Variants in CREB5 observed in about 807,000 individuals in gnomAD.
The protein encoded by CREB5 is cAMP responsive element binding protein 5, also known as cyclic AMP-responsive element-binding protein 5.
Under a neutral mutation model 57.1 loss-of-function variants are expected in CREB5, and 19 were observed. The ratio of observed to expected loss-of-function variants is 0.33; its 90% CI spans 0.23 to 0.49. CREB5 has a LOEUF of 0.49. Among genes scored for constraint, CREB5 ranks in the 20% least tolerant of loss-of-function variants. The probability of loss-of-function intolerance (pLI) is 0.99; values close to 1 mark genes in which losing one functional copy is unlikely to be tolerated. For missense variants in CREB5, 579 were observed against 671.6 expected, an observed-to-expected ratio of 0.86 and a Z score of 1.52; for synonymous variants, 238 against 238.3, an observed-to-expected ratio of 1.00 and a Z score of 0.01.
intron 5 of CREB5, among the ~76,000 whole-genome samples, chr7:28,709,426 T>C (rs1474616370): frequency 2.6e-5 from 4 of 152,196 alleles, no homozygotes; most frequent in Non-Finnish European, 5.9e-5. Flanking sequence ...TTCAGATTAA[T>C]GGTGCAGAAA....
Position 28,809,398 on chromosome 7 carries a change from C to T in CREB5, c.1238C>T (p.Thr413Ile). ...AAGAAAGCAGAAGAACTCACCCAGA[C>T]AAACATGCAGCTTCAGGTGCAGCCC... is the stretch of plus-strand genomic sequence containing the variant. Reference protein sequence around the residue: ...LEKKAEELTQTNMQLQNEVSM... With the variant: ...LEKKAEELTQINMQLQNEVSM... Residue 413 changes from threonine to isoleucine, a missense_variant, in exon 9 of 11, where the codon ACA (threonine) becomes ATA (isoleucine). By Grantham distance (89) the Thr-to-Ile change is moderately conservative. Transcript: ENST00000357727. 6.2e-7 allele frequency: 1 copy of T among 1,613,048 alleles called. No homozygotes were observed. Among genetic ancestry groups the T allele is most frequent in the Non-Finnish European group, 8.5e-7 (1 of 1,179,554 alleles).
At chr7:28,347,296 C>T (rs887483882) in intron 1 of CREB5, among the ~76,000 whole-genome samples, 73 of 152,130 alleles carry the variant, frequency 4.8e-4, no homozygotes, top group African/African-American at 1.7e-3. Flanking sequence ...AAAACCAGAG[C>T]AGGAGATTTT....
intron 1 of CREB5, among the ~76,000 whole-genome samples, chr7:28,316,989 C>T (rs7806356): frequency 0.026 from 3,870 of 151,144 alleles, 159 homozygotes; most frequent in African/African-American, 0.09. Context: ...GTAAGATTTT[C>T]ATTCTGAAGG....
At chr7:28,689,107 TTTTTG>T (rs1264517883) in intron 5 of CREB5, among the ~76,000 whole-genome samples, 2 of 152,106 alleles carry the variant, frequency 1.3e-5, no homozygotes, top group Non-Finnish European at 2.9e-5. Context: ...TGTTTCATGG[TTTTTG>T]TTTTGATTTT....
At position 28,802,703 on chromosome 7, in the gene CREB5, G is replaced by T. The variant is rs76824352; in HGVS notation, c.703-1496G>T. Among the ~76,000 whole-genome samples the T allele has an allele frequency of 6.0e-3, 921 of 152,328 alleles. 12 individuals are homozygous for T. The highest frequency in any genetic ancestry group is 0.021 in the African/African-American group (880 of 41,576). On this transcript the variant is annotated intron_variant, in intron 7 of 10. Transcript: ENST00000357727. ...GATGATAATTGACTGTGTCACAGAA[G>T]AAACAATTTTGAAGAAACTGGGACT...
At chr7:28,455,734 T>G (rs1377284128) in intron 1 of CREB5, among the ~76,000 whole-genome samples, 1 of 152,074 alleles carries the variant, frequency 6.6e-6, no homozygotes, top group Admixed American at 6.5e-5. Context: ...GCCAGTATTT[T>G]AGGAAGATCC....
chr7:28,300,334 A>T (rs1353124180), intron 1 of CREB5, among the ~76,000 whole-genome samples: 7 of 152,182 alleles, frequency 4.6e-5, no homozygotes, highest in Non-Finnish European at 2.9e-5. Flanking sequence ...AGGAGTTTTG[A>T]TTACATTTAT....
intron 4 of CREB5, among the ~76,000 whole-genome samples, chr7:28,544,936 G>A (rs886604459): frequency 6.6e-6 from 1 of 152,192 alleles, no homozygotes; most frequent in African/African-American, 2.4e-5. Context: ...CTCTGCCAGA[G>A]TTTGAGTAAC....
intron 5 of CREB5, among the ~76,000 whole-genome samples, chr7:28,632,804 A>G (rs1185936868): frequency 6.6e-6 from 1 of 151,998 alleles, no homozygotes; most frequent in Non-Finnish European, 1.5e-5. Context: ...TGTTTTCCTC[A>G]CAGCATTTAT....
intron 7 of CREB5, among the ~76,000 whole-genome samples, chr7:28,758,845 A>T (rs1169703992): frequency 3.3e-5 from 5 of 152,222 alleles, no homozygotes; most frequent in African/African-American, 1.2e-4. Context: ...CTCTATCAAT[A>T]TGGCCTTTCA....
intron 1 of CREB5, among the ~76,000 whole-genome samples, chr7:28,347,802 A>C (rs1244658233): frequency 1.3e-5 from 2 of 152,212 alleles, no homozygotes; most frequent in African/African-American, 4.8e-5. Flanking sequence ...CATATGGACA[A>C]CACACTTTAA....
chr7:28,631,775 G>A (rs575358693), intron 5 of CREB5, among the ~76,000 whole-genome samples: 1 of 152,124 alleles, frequency 6.6e-6, no homozygotes, highest in Non-Finnish European at 1.5e-5. Context: ...ATCACAAGTT[G>A]GGATAAGGGT....
At chr7:28,311,870 C>T (rs1785284567) in intron 1 of CREB5, among the ~76,000 whole-genome samples, 1 of 152,180 alleles carries the variant, frequency 6.6e-6, no homozygotes, top group Non-Finnish European at 1.5e-5. Flanking sequence ...CTGCCGTCTG[C>T]ACTCCTCCCT....
At chr7:28,614,848 C>T (rs1435784749) in intron 5 of CREB5, among the ~76,000 whole-genome samples, 2 of 152,098 alleles carry the variant, frequency 1.3e-5, no homozygotes, top group Non-Finnish European at 2.9e-5. Context: ...TCACTTTTAG[C>T]CTCTCTCAAG....
chr7:28,613,098 G>A (rs2128678782), intron 5 of CREB5, among the ~76,000 whole-genome samples: 2 of 152,238 alleles, frequency 1.3e-5, no homozygotes, highest in South Asian at 4.1e-4. Context: ...TGCTTACTGG[G>A]ACTACAGAGG....
chr7:28,459,091 C>G (rs1790237991), intron 1 of CREB5, among the ~76,000 whole-genome samples: 1 of 152,192 alleles, frequency 6.6e-6, no homozygotes, highest in Non-Finnish European at 1.5e-5. Context: ...GCTCCCCACA[C>G]CCATCCAGTG....
At chr7:28,503,913 AG>A (rs1281167052) in intron 3 of CREB5, among the ~76,000 whole-genome samples, 4 of 149,984 alleles carry the variant, frequency 2.7e-5, no homozygotes, top group Non-Finnish European at 4.4e-5. Context: ...GACCAGAAAA[AG>A]GTCCCAGGGC....
intron 1 of CREB5, among the ~76,000 whole-genome samples, chr7:28,386,658 T>C (rs1787110616): frequency 6.6e-6 from 1 of 152,224 alleles, no homozygotes. Context: ...CAATTTGTGA[T>C]TCTATTCTCC....
chr7:28,356,524 C>T (rs1423732020), intron 1 of CREB5, among the ~76,000 whole-genome samples: 4 of 152,178 alleles, frequency 2.6e-5, no homozygotes, highest in South Asian at 2.1e-4. Flanking sequence ...ACGGGCAGAC[C>T]GATCAATAGG....
Sources: gnomAD v4.1 joint callset for allele counts (sites outside exome capture counted in the v4.1 genomes callset) on GRCh38, gnomAD v4.1.1 for gene constraint, MANE v1.5 for transcripts, NCBI Gene and HGNC (gene_info 2026-07-23, HGNC 2026-07-21) for gene names.